The following SAMSN1 variants were observed in gnomAD, a reference collection of about 807,000 sequenced individuals.
SAMSN1 encodes the protein SAM domain-containing protein SAMSN-1.
In SAMSN1, 31 loss-of-function variants were observed where a neutral mutation model predicts 42.0. The ratio of observed to expected loss-of-function variants is 0.74; its 90% CI spans 0.55 to 1.00. The LOEUF is 1.00. SAMSN1 is among the 50% of genes least tolerant of loss of function. The pLI is 0.00. For missense variants in SAMSN1, 464 were observed against 439.4 expected (o/e 1.06, Z -0.50); for synonymous variants, 178 against 151.9 (o/e 1.17, Z -1.26).
intron 1 of SAMSN1, among the ~76,000 whole-genome samples, chr21:14,533,180 G>A (rs1183625202): frequency 1.3e-5 from 2 of 151,984 alleles, no homozygotes; most frequent in South Asian, 4.1e-4. Context: ...GCCTCCCAAA[G>A]CATTGGGATT....
chr21:14,583,880 TA>T, upstream of SAMSN1: 5 of 599,816 alleles, frequency 8.3e-6, no homozygotes, highest in Non-Finnish European at 1.2e-5. Flanking sequence ...AATGTGACCT[TA>T]AAACCTGAAG....
intron 1 of SAMSN1, among the ~76,000 whole-genome samples, chr21:14,650,388 T>C (rs1983811403): frequency 6.6e-6 from 1 of 152,086 alleles, no homozygotes; most frequent in South Asian, 2.1e-4. Flanking sequence ...ATAGGAATTT[T>C]GGAAACTATA....
rs905808414 is a variant in SAMSN1, at chr21:14,541,047, C to T, written c.57+5158G>A. ...ATTGCAAGGACGGAAAACCAAACAC[C>T]GCATGTTCTCACTCATCAGTGGGAA... On this transcript the variant is annotated intron_variant, in intron 1 of 7. Coordinates refer to ENST00000400566, the MANE Select transcript of SAMSN1 (RefSeq NM_022136.5). Among the ~76,000 whole-genome samples, 22 of 150,110 alleles carry T rather than the reference C, an allele frequency of 1.5e-4. 1 individual carries two copies. The highest frequency in any genetic ancestry group is 2.0e-4 in the Admixed American group (3 of 14,928).
chr21:14,645,318 A>G (rs1341876321), intron 1 of SAMSN1, among the ~76,000 whole-genome samples: 1 of 152,212 alleles, frequency 6.6e-6, no homozygotes. Flanking sequence ...CATAACACAG[A>G]GAGAGACTCT....
At chr21:14,496,070 T>C (rs916262891) in intron 7 of SAMSN1, 10 of 152,220 alleles carry the variant, frequency 6.6e-5, no homozygotes, top group African/African-American at 2.4e-4. Context: ...CTGAGGATAC[T>C]GTTTATTGCT....
Position 14,511,702 on chromosome 21 carries a change from A to G in SAMSN1, c.409+742T>C, listed in dbSNP as rs370050469. Among the ~76,000 whole-genome samples the G allele has an allele frequency of 6.6e-5, 10 of 152,362 alleles. No individual in the cohort carries two copies. The East Asian group carries it at 1.3e-3, about 21-fold the overall frequency. ...TATAACAGTCTACATACAAAAAGTC[A>G]TAAGGCACCCTGCAATATCAATCGT... On this transcript the variant is annotated intron_variant, in intron 4 of 7. Transcript: ENST00000400566.
chr21:14,634,270 T>C (rs1207933380), intron 2 of SAMSN1, among the ~76,000 whole-genome samples: 2 of 151,948 alleles, frequency 1.3e-5, no homozygotes, highest in African/African-American at 4.8e-5. Context: ...GATTTTACGA[T>C]GAAATCACCA....
At chr21:14,629,878 C>T (rs1388689116) in intron 2 of SAMSN1, among the ~76,000 whole-genome samples, 2 of 152,080 alleles carry the variant, frequency 1.3e-5, no homozygotes, top group East Asian at 3.8e-4. Context: ...CAAAAAGATT[C>T]CCTTCCAGAT....
intron 2 of SAMSN1, among the ~76,000 whole-genome samples, chr21:14,622,416 G>C (rs401697): frequency 0.48 from 72,583 of 152,130 alleles, 20,412 homozygotes; most frequent in Non-Finnish European, 0.63. Context: ...CCAGTGTAGA[G>C]AAGTCCTTAA....
At chr21:14,526,159 T>C (rs1181639425) in intron 1 of SAMSN1, among the ~76,000 whole-genome samples, 4 of 152,188 alleles carry the variant, frequency 2.6e-5, no homozygotes, top group Non-Finnish European at 5.9e-5. Flanking sequence ...TGAGCTGCCA[T>C]GCCCAGCCAG....
chr21:14,632,823 A>G (rs115572744), intron 2 of SAMSN1, among the ~76,000 whole-genome samples: 10 of 152,288 alleles, frequency 6.6e-5, no homozygotes, highest in African/African-American at 2.4e-4. Context: ...GGCAGCATTC[A>G]ATTTCCTGAA....
At chr21:14,611,270 T>A (rs1248517236) in intron 4 of SAMSN1, among the ~76,000 whole-genome samples, 2 of 152,222 alleles carry the variant, frequency 1.3e-5, no homozygotes, top group Non-Finnish European at 2.9e-5. Flanking sequence ...ATATAAATGA[T>A]TTGCTCAGCT....
chr21:14,574,371 C>T (rs1981394896), intron 2 of SAMSN1, among the ~76,000 whole-genome samples: 1 of 152,122 alleles, frequency 6.6e-6, no homozygotes, highest in Admixed American at 6.6e-5. Context: ...GAAGATTTTA[C>T]TATAAGGAAT....
chr21:14,528,035 CAT>C (rs1298514387), intron 1 of SAMSN1, among the ~76,000 whole-genome samples: 1 of 152,088 alleles, frequency 6.6e-6, no homozygotes, highest in East Asian at 1.9e-4. Flanking sequence ...AATACTGTTA[CAT>C]GTTTTAAATA....
At chr21:14,643,495 T>C (rs466909) in intron 1 of SAMSN1, among the ~76,000 whole-genome samples, 116,826 of 152,096 alleles carry the variant, frequency 0.77, 45,379 homozygotes, top group Middle Eastern at 0.89. Flanking sequence ...TGGTTACAGA[T>C]TTGAGTTACA....
intron 2 of SAMSN1, among the ~76,000 whole-genome samples, chr21:14,564,630 T>C (rs994833650): frequency 2.0e-5 from 3 of 152,216 alleles, no homozygotes; most frequent in Non-Finnish European, 4.4e-5. Context: ...AGCAACTCCA[T>C]GCATTTCTTT....
At chr21:14,555,567 G>T (rs1463091460) in intron 2 of SAMSN1, among the ~76,000 whole-genome samples, 1 of 152,118 alleles carries the variant, frequency 6.6e-6, no homozygotes, top group Non-Finnish European at 1.5e-5. Context: ...TAGGAAGAAA[G>T]CAACACACAC....
chr21:14,558,370 G>A (rs191282511), intron 2 of SAMSN1, among the ~76,000 whole-genome samples: 72 of 151,690 alleles, frequency 4.7e-4, no homozygotes, highest in East Asian at 1.2e-3. Context: ...CGCATGCTAC[G>A]AACTATTTAA....
chr21:14,625,077 G>T (rs900659201), intron 2 of SAMSN1, among the ~76,000 whole-genome samples: 9 of 151,944 alleles, frequency 5.9e-5, no homozygotes, highest in East Asian at 1.9e-4. Flanking sequence ...AGATTCAACT[G>T]CCCTTCATGC....
Sources: gnomAD v4.1 joint callset for allele counts (sites outside exome capture counted in the v4.1 genomes callset) on GRCh38, gnomAD v4.1.1 for gene constraint, MANE v1.5 for transcripts, NCBI Gene and HGNC (gene_info 2026-07-23, HGNC 2026-07-21) for gene names.